The following SYNJ1 variants were observed in gnomAD, a reference collection of about 807,000 sequenced individuals.
SYNJ1 encodes the protein polyphosphatidylinositol phosphatase SYNJ1.
A neutral mutation model predicts 168.2 loss-of-function variants in SYNJ1; 78 were observed. The ratio of observed to expected loss-of-function variants is 0.46; its 90% CI spans 0.39 to 0.56. The LOEUF is 0.56. SYNJ1 is among the 20% of genes least tolerant of loss of function. The pLI is 0.00. For synonymous variants in SYNJ1, 539 were observed against 548.6 expected (o/e 0.98, Z 0.24); for missense variants, 1,303 against 1,597.6 (o/e 0.82, Z 3.14).
At position 32,694,306 on chromosome 21, in the gene SYNJ1, C is replaced by T. The variant is rs780954414; in HGVS notation, c.711G>A (p.Val237=). ...VANFVETEQV[V]YLDDSVSSFI... ...AGGAAGAAACTGAGTCATCTAAGTA[C>T]ACAACCTACAGAAAAAAAAATAATA... The change falls in exon 6 of 33, where the codon GTG becomes GTA. Residue 237 remains valine (V), a synonymous_variant. Transcript: ENST00000674351. 9 of 1,561,394 alleles carry T rather than the reference C, an allele frequency of 5.8e-6. No homozygotes were observed. The highest frequency in any genetic ancestry group is 4.2e-5 in the African/African-American group (3 of 71,470).
At chr21:32,694,207 A>G in intron 6 of SYNJ1, 21 bp downstream of exon 6, 1 of 1,510,584 alleles carries the variant, frequency 6.6e-7, no homozygotes, top group Non-Finnish European at 8.8e-7. Flanking sequence ...AAACAAAAAT[A>G]ACTGAATGTC....
At chr21:32,637,235 T>C (rs985011544) in intron 31 of SYNJ1, among the ~76,000 whole-genome samples, 5 of 152,060 alleles carry the variant, frequency 3.3e-5, no homozygotes, top group African/African-American at 4.8e-5. Context: ...GAGTGGCTAG[T>C]TGAAAAAGTT....
At chr21:32,687,406 G>T (rs1441816162) in intron 7 of SYNJ1, among the ~76,000 whole-genome samples, 1 of 152,120 alleles carries the variant, frequency 6.6e-6, no homozygotes, top group Non-Finnish European at 1.5e-5. Context: ...GATGGCAAAG[G>T]GCTGCTGCTC....
chr21:32,636,359 A>T (rs2039565297), intron 31 of SYNJ1, among the ~76,000 whole-genome samples: 1 of 152,238 alleles, frequency 6.6e-6, no homozygotes, highest in African/African-American at 2.4e-5. Flanking sequence ...GAATTAAATG[A>T]ATCTCTTCTA....
intron 15 of SYNJ1, among the ~76,000 whole-genome samples, chr21:32,668,009 A>ATGTGTGTGTGTG (rs3056370): frequency 6.9e-6 from 1 of 144,006 alleles, no homozygotes; most frequent in Non-Finnish European, 1.5e-5. Context: ...AAGAATATAT[A>ATGTGTGTGTGTG]TGTGTGTGTG....
chr21:32,707,549 G>T (rs1402838574), intron 2 of SYNJ1, among the ~76,000 whole-genome samples: 1 of 151,882 alleles, frequency 6.6e-6, no homozygotes, highest in Non-Finnish European at 1.5e-5. Context: ...GCCCAGGCTG[G>T]TCTGAAACTT....
intron 18 of SYNJ1, among the ~76,000 whole-genome samples, chr21:32,658,265 A>G (rs1347124865): frequency 2.0e-5 from 3 of 152,220 alleles, no homozygotes; most frequent in Non-Finnish European, 4.4e-5. Flanking sequence ...CCCCAGGCTC[A>G]GCTGGCAGAG....
chr21:32,668,069 A>G (rs1415192224), intron 15 of SYNJ1, among the ~76,000 whole-genome samples: 2 of 151,308 alleles, frequency 1.3e-5, no homozygotes, highest in Non-Finnish European at 2.9e-5. Flanking sequence ...ATATATATAT[A>G]CATATACATA....
chr21:32,689,256 C>T (rs888291928), intron 6 of SYNJ1, among the ~76,000 whole-genome samples: 1 of 152,106 alleles, frequency 6.6e-6, no homozygotes, highest in Non-Finnish European at 1.5e-5. Flanking sequence ...TGAGGGGGGG[C>T]AAAAAAGTTG....
In SYNJ1 at chr21:32,712,971, T is replaced by C. The variant is rs186132404; in HGVS notation, c.125-10924A>G. On this transcript the variant is annotated intron_variant, in intron 2 of 32. Transcript: ENST00000674351. ...GTGTACATATATGTACCAAAAAACA[T>C]GTACAAGGATGTTCATACTTGTGTC... 4.6e-5 allele frequency among the ~76,000 whole-genome samples: 7 copies of C among 152,344 alleles called. No individual in the cohort carries two copies. In the East Asian group the frequency reaches 9.6e-4, roughly 21 times the overall value.
At chr21:32,717,265 A>T (rs1161952465) in intron 2 of SYNJ1, among the ~76,000 whole-genome samples, 1 of 151,856 alleles carries the variant, frequency 6.6e-6, no homozygotes, top group Non-Finnish European at 1.5e-5. Context: ...GGCCTCTTTC[A>T]CATTTTTCAT....
rs913236256 is a variant in SYNJ1 at position 32,631,163 on chromosome 21, C to CA, written c.*641dup. On this transcript the variant is annotated 3_prime_UTR_variant, in exon 33 of 33. Transcript: ENST00000674351. ...TTGTACCTTTATTCCAGTCATCATT[C>CA]AATGTCAGGTTGGAGCCAGAAAATG... is the stretch of plus-strand genomic sequence containing the variant. The CA allele has an allele frequency of 1.9e-6, 3 of 1,614,026 alleles. No individual in the cohort carries two copies. In the African/African-American group the frequency reaches 4.0e-5, roughly 22 times the overall value.
At chr21:32,665,847 A>C in intron 17 of SYNJ1, 96 bp downstream of exon 17, 3 of 1,229,120 alleles carry the variant, frequency 2.4e-6, no homozygotes, top group Non-Finnish European at 3.3e-6. Context: ...GTTTCTAGGA[A>C]CTATCTTAAA....
intron 11 of SYNJ1, among the ~76,000 whole-genome samples, chr21:32,679,767 T>C (rs2041551954): frequency 6.6e-6 from 1 of 152,182 alleles, no homozygotes; most frequent in Admixed American, 6.5e-5. Flanking sequence ...GTGTTATTTC[T>C]TTCTATATAA....
chr21:32,659,747 G>A (rs1035670970), intron 18 of SYNJ1, among the ~76,000 whole-genome samples: 12 of 152,180 alleles, frequency 7.9e-5, no homozygotes, highest in African/African-American at 2.7e-4. Flanking sequence ...CAAGTCTGCC[G>A]ATGCTCCCAG....
chr21:32,631,690 G>C lies in SYNJ1; in HGVS notation c.*115C>G. The C allele has an allele frequency of 6.2e-7, 1 of 1,614,222 alleles. No individual in the cohort carries two copies. On this transcript the variant is annotated 3_prime_UTR_variant, in exon 33 of 33. Transcript: ENST00000674351. Reference sequence around the variant, plus strand: ...TCTGGGGTGGGAACAGGTGACGTTTGAACAGATAGCTGAGCCTTTGATACA... The same window carrying C: ...TCTGGGGTGGGAACAGGTGACGTTTCAACAGATAGCTGAGCCTTTGATACA...
rs376182485 is a variant in SYNJ1, at chr21:32,722,482, G to C, written c.124+4290C>G. On this transcript the variant is annotated intron_variant, in intron 2 of 32. Transcript: ENST00000674351. ...CGAGAATCACTTGAACCCAGGAGGCGGAGGTTGCAGTGCACGGAGATCATA... is the reference window on the plus strand; with the variant it reads ...CGAGAATCACTTGAACCCAGGAGGCCGAGGTTGCAGTGCACGGAGATCATA... Among the ~76,000 whole-genome samples, 3 of 151,972 alleles carry C rather than the reference G, an allele frequency of 2.0e-5. No homozygotes were observed. The East Asian group carries it at 5.8e-4, about 29-fold the overall frequency.
intron 2 of SYNJ1, among the ~76,000 whole-genome samples, chr21:32,715,878 T>C (rs2043006717): frequency 6.6e-6 from 1 of 152,132 alleles, no homozygotes; most frequent in Admixed American, 6.6e-5. Flanking sequence ...ACTGAGGAAG[T>C]AATGAGTATC....
chr21:32,721,310 A>T (rs1466502903), intron 2 of SYNJ1, among the ~76,000 whole-genome samples: 1 of 152,272 alleles, frequency 6.6e-6, no homozygotes, highest in African/African-American at 2.4e-5. Flanking sequence ...TAAGGGTAAG[A>T]ACTTTTTAGA....
Sources: gnomAD v4.1 joint callset for allele counts (sites outside exome capture counted in the v4.1 genomes callset) on GRCh38, gnomAD v4.1.1 for gene constraint, MANE v1.5 for transcripts, NCBI Gene and HGNC (gene_info 2026-07-23, HGNC 2026-07-21) for gene names.